Variants in CNTNAP2 observed in about 807,000 individuals in gnomAD.
The protein encoded by CNTNAP2 is contactin-associated protein-like 2.
A neutral mutation model predicts 155.2 loss-of-function variants in CNTNAP2; 98 were observed. The observed-to-expected ratio is 0.63, with a 90% CI of 0.54 to 0.75. The LOEUF is 0.75. CNTNAP2 is among the 30% of genes least tolerant of loss of function. The pLI is 0.00. For synonymous variants in CNTNAP2, 651 were observed against 631.2 expected (o/e 1.03, Z -0.47); for missense variants, 1,727 against 1,688.1 (o/e 1.02, Z -0.40).
chr7:148,014,591 A>G (rs948838597), intron 15 of CNTNAP2, among the ~76,000 whole-genome samples: 2 of 152,180 alleles, frequency 1.3e-5, no homozygotes, highest in African/African-American at 4.8e-5. Context: ...CCCAAATATT[A>G]CCAAAACAAA....
At chr7:146,518,384 A>G (rs1448121345) in intron 1 of CNTNAP2, among the ~76,000 whole-genome samples, 6 of 151,890 alleles carry the variant, frequency 4.0e-5, no homozygotes, top group Admixed American at 3.9e-4. Context: ...TGGCTATGCA[A>G]TTCAGAGCTC....
At chr7:147,567,152 T>A in intron 12 of CNTNAP2, among the ~76,000 whole-genome samples, 1 of 152,136 alleles carries the variant, frequency 6.6e-6, no homozygotes, top group East Asian at 1.9e-4. Flanking sequence ...TTGAGCTACA[T>A]CCTAGGCAAT....
At chr7:148,133,216 CT>C (rs1033698403) in intron 16 of CNTNAP2, among the ~76,000 whole-genome samples, 7 of 152,066 alleles carry the variant, frequency 4.6e-5, no homozygotes, top group Non-Finnish European at 8.8e-5. Flanking sequence ...TAGTCCAGTA[CT>C]TTGGAAGGCC....
chr7:147,827,262 G>T (rs1798468060), intron 13 of CNTNAP2, among the ~76,000 whole-genome samples: 1 of 152,136 alleles, frequency 6.6e-6, no homozygotes, highest in Non-Finnish European at 1.5e-5. Flanking sequence ...GCCCCAAGCA[G>T]ATGGAGTAAG....
At chr7:148,230,349 G>A (rs903016739) in intron 20 of CNTNAP2, among the ~76,000 whole-genome samples, 15 of 152,204 alleles carry the variant, frequency 9.9e-5, no homozygotes, top group South Asian at 4.1e-4. Context: ...TGACGACCCC[G>A]GCCCTCACCA....
At chr7:148,023,865 TA>T (rs1380209991) in intron 15 of CNTNAP2, among the ~76,000 whole-genome samples, 2 of 152,300 alleles carry the variant, frequency 1.3e-5, no homozygotes, top group Non-Finnish European at 2.9e-5. Flanking sequence ...TCTGGGATTT[TA>T]TGAATTTTCC....
chr7:146,851,938 G>A (rs1324761702), intron 3 of CNTNAP2, among the ~76,000 whole-genome samples: 2 of 151,884 alleles, frequency 1.3e-5, no homozygotes, highest in African/African-American at 2.4e-5. Context: ...CTCCCACCTC[G>A]GCCTCCCAAA....
chr7:146,790,373 A>G (rs1802648647), intron 2 of CNTNAP2, among the ~76,000 whole-genome samples: 1 of 152,130 alleles, frequency 6.6e-6, no homozygotes, highest in Non-Finnish European at 1.5e-5. Context: ...TTGTACACCA[A>G]ACTGTGTTTG....
At position 147,481,202 on chromosome 7, in the gene CNTNAP2, C is replaced by G. The variant is rs77961855; in HGVS notation, c.1671-4733C>G. Among the ~76,000 whole-genome samples, 1,013 of 152,278 alleles carry G rather than the reference C, an allele frequency of 6.7e-3. 10 individuals are homozygous for G. Among genetic ancestry groups the G allele is most frequent in the African/African-American group, 0.023 (951 of 41,550 alleles). On this transcript the variant is annotated intron_variant, in intron 10 of 23. Coordinates refer to ENST00000361727, the MANE Select transcript of CNTNAP2 (RefSeq NM_014141.6). ...AGCACTGTAGATAAAAAGCCTTCAACGTGCGTTGATGATTACCAAGGCATA... is the reference window on the plus strand; with the variant it reads ...AGCACTGTAGATAAAAAGCCTTCAAGGTGCGTTGATGATTACCAAGGCATA...
rs374161359 is a variant in CNTNAP2, at chr7:148,062,011, T to TAGAGAGAGAG, written c.2384-56098_2384-56089dup. Among the ~76,000 whole-genome samples, 235 of 84,112 alleles carry TAGAGAGAGAG rather than the reference T, an allele frequency of 2.8e-3. 6 individuals carry two copies. Among genetic ancestry groups the TAGAGAGAGAG allele is most frequent in the African/African-American group, 6.9e-3 (146 of 21,016 alleles). The allele number at this position is 84,112 out of a possible 152,430, so 55.2% of individuals were successfully genotyped here. A position where few individuals can be genotyped will look rare whatever the true frequency, so the allele number is the denominator to read the frequency against. On this transcript the variant is annotated intron_variant, in intron 15 of 23. Transcript: ENST00000361727. ...GATAGATAGATAGATAGATAGATGA[T>TAGAGAGAGAG]AGAGAGAGAGAGAGAGAGTGTGTGT... is the stretch of plus-strand genomic sequence containing the variant.
intron 1 of CNTNAP2, among the ~76,000 whole-genome samples, chr7:146,706,682 C>T (rs960474685): frequency 5.9e-5 from 9 of 151,960 alleles, no homozygotes; most frequent in Admixed American, 3.3e-4. Flanking sequence ...AACCAAATAC[C>T]GCATGTTCTC....
chr7:147,790,443 T>C (rs1342372395), intron 13 of CNTNAP2, among the ~76,000 whole-genome samples: 1 of 152,178 alleles, frequency 6.6e-6, no homozygotes, highest in Non-Finnish European at 1.5e-5. Context: ...CTTCCTATAA[T>C]TTGATTTTTA....
At chr7:148,354,648 C>CTCCCT (rs147579581) in intron 21 of CNTNAP2, among the ~76,000 whole-genome samples, 5,482 of 151,638 alleles carry the variant, frequency 0.036, 104 homozygotes, top group African/African-American at 0.048. Context: ...CTTAAGACAT[C>CTCCCT]TCCCTTCCCT....
At chr7:147,398,794 T>A (rs972730346) in intron 10 of CNTNAP2, among the ~76,000 whole-genome samples, 3 of 148,616 alleles carry the variant, frequency 2.0e-5, no homozygotes, top group Admixed American at 1.4e-4. Context: ...ACAGGACAGA[T>A]AAAGATTATT....
intron 13 of CNTNAP2, among the ~76,000 whole-genome samples, chr7:147,659,354 C>T (rs1240150605): frequency 1.3e-5 from 2 of 152,100 alleles, no homozygotes; most frequent in Admixed American, 6.5e-5. Flanking sequence ...TCATTTTCTT[C>T]ATATTAGAGA....
intron 9 of CNTNAP2, among the ~76,000 whole-genome samples, chr7:147,306,433 T>C (rs1257062005): frequency 1.3e-5 from 2 of 152,198 alleles, no homozygotes; most frequent in African/African-American, 2.4e-5. Flanking sequence ...TGTGATTTTG[T>C]AACCTCTGCG....
At chr7:147,829,112 T>G (rs1297559807) in intron 13 of CNTNAP2, among the ~76,000 whole-genome samples, 3 of 152,216 alleles carry the variant, frequency 2.0e-5, no homozygotes, top group Non-Finnish European at 4.4e-5. Flanking sequence ...CTCTTTATGC[T>G]GAATTTTTCT....
At chr7:148,337,853 C>T (rs1798146650) in intron 21 of CNTNAP2, among the ~76,000 whole-genome samples, 1 of 152,216 alleles carries the variant, frequency 6.6e-6, no homozygotes, top group South Asian at 2.1e-4. Context: ...ATTGTACCTT[C>T]TTAGATGAAA....
intron 3 of CNTNAP2, among the ~76,000 whole-genome samples, chr7:146,981,106 A>G (rs1383143893): frequency 6.6e-6 from 1 of 152,188 alleles, no homozygotes; most frequent in Non-Finnish European, 1.5e-5. Context: ...AGAAGCAGAA[A>G]TAATGATGGG....
Sources: allele counts gnomAD v4.1 joint callset (sites outside exome capture counted in the v4.1 genomes callset), GRCh38; gene constraint gnomAD v4.1.1; transcripts MANE v1.5; gene names NCBI Gene and HGNC (gene_info 2026-07-23, HGNC 2026-07-21).